Variants in RASAL2 observed in about 807,000 individuals in gnomAD.
RASAL2 encodes ras GTPase-activating protein nGAP.
Under a neutral mutation model 128.9 loss-of-function variants are expected in RASAL2, and 58 were observed. The ratio of observed to expected loss-of-function variants is 0.45; its 90% CI spans 0.36 to 0.56. The LOEUF (loss-of-function observed/expected upper bound fraction) is 0.56. Among genes scored for constraint, RASAL2 ranks in the 20% least tolerant of loss-of-function variants. The pLI is 0.00. For synonymous variants in RASAL2, 561 were observed against 580.8 expected (o/e 0.97, Z 0.49); for missense variants, 1,360 against 1,601.6 (o/e 0.85, Z 2.57).
intron 1 of RASAL2, among the ~76,000 whole-genome samples, chr1:178,281,256 A>G (rs1407410959): frequency 6.6e-6 from 1 of 151,982 alleles, no homozygotes; most frequent in Non-Finnish European, 1.5e-5. Context: ...TTAATATAGA[A>G]GCATTGCTCT....
chr1:178,111,684 T>C (rs964041652), intron 1 of RASAL2, among the ~76,000 whole-genome samples: 3 of 152,204 alleles, frequency 2.0e-5, no homozygotes, highest in African/African-American at 2.4e-5. Context: ...CATATGCTTA[T>C]TGGATATTCA....
chr1:178,111,280 G>A (rs1181688683), intron 1 of RASAL2, among the ~76,000 whole-genome samples: 1 of 151,970 alleles, frequency 6.6e-6, no homozygotes, highest in Non-Finnish European at 1.5e-5. Flanking sequence ...TGGCTAATTT[G>A]TATTTTTTTG....
At chr1:178,213,006 A>G (rs1318189479) in intron 1 of RASAL2, among the ~76,000 whole-genome samples, 2 of 152,208 alleles carry the variant, frequency 1.3e-5, no homozygotes, top group Non-Finnish European at 2.9e-5. Context: ...CCAACTAGGT[A>G]CAACCACTTT....
At chr1:178,148,653 C>T (rs1055614246) in intron 1 of RASAL2, among the ~76,000 whole-genome samples, 26 of 151,922 alleles carry the variant, frequency 1.7e-4, no homozygotes, top group Non-Finnish European at 3.5e-4. Flanking sequence ...CCATGTTGCC[C>T]AGGCTAGTCT....
intron 1 of RASAL2, among the ~76,000 whole-genome samples, chr1:178,249,642 A>G (rs1435914950): frequency 5.3e-5 from 8 of 151,780 alleles, no homozygotes; most frequent in Non-Finnish European, 8.8e-5. Context: ...AATTTTCAGC[A>G]TTTTTGCTCT....
At position 178,125,882 on chromosome 1, in the gene RASAL2, A is replaced by T. The variant is rs574967499; in HGVS notation, c.202+31188A>T. Among the ~76,000 whole-genome samples the T allele has an allele frequency of 4.6e-5, 7 of 152,342 alleles. No homozygotes were observed. In the South Asian group the frequency reaches 1.5e-3, roughly 32 times the overall value. Reference sequence around the variant, plus strand: ...TAAATTAGATGGTGACAGTGAGAGAAATTGTATTGTTGATATAGTACATAT... The same window carrying T: ...TAAATTAGATGGTGACAGTGAGAGATATTGTATTGTTGATATAGTACATAT... On this transcript the variant is annotated intron_variant, in intron 1 of 17. Coordinates refer to ENST00000367649, the MANE Select transcript of RASAL2 (RefSeq NM_170692.4).
At chr1:178,289,293 T>C (rs569270111) in intron 2 of RASAL2, among the ~76,000 whole-genome samples, 87 of 152,304 alleles carry the variant, frequency 5.7e-4, no homozygotes, top group Non-Finnish European at 1.0e-4. Flanking sequence ...GTTCTTTTTC[T>C]TTCCTGCCTC....
intron 5 of RASAL2, among the ~76,000 whole-genome samples, chr1:178,434,202 A>G (rs1322007062): frequency 6.6e-6 from 1 of 152,112 alleles, no homozygotes; most frequent in Non-Finnish European, 1.5e-5. Context: ...TTGCAATTTA[A>G]GGACAAAAAG....
intron 1 of RASAL2, among the ~76,000 whole-genome samples, chr1:178,103,238 TA>T (rs1271524086): frequency 1.3e-5 from 2 of 152,166 alleles, no homozygotes; most frequent in Non-Finnish European, 2.9e-5. Flanking sequence ...TTTCATTTTG[TA>T]AAGAGGTACC....
intron 4 of RASAL2, among the ~76,000 whole-genome samples, chr1:178,393,572 C>T (rs886108326): frequency 6.6e-6 from 1 of 152,188 alleles, no homozygotes; most frequent in African/African-American, 2.4e-5. Context: ...CCTGCTGTGC[C>T]GCCCAGTTCC....
chr1:178,237,955 A>G (rs915814796), intron 1 of RASAL2, among the ~76,000 whole-genome samples: 3 of 152,210 alleles, frequency 2.0e-5, no homozygotes, highest in African/African-American at 4.8e-5. Flanking sequence ...CAAGTACCTC[A>G]TATAAGTGGA....
chr1:178,370,966 A>C (rs1671667997), intron 3 of RASAL2, among the ~76,000 whole-genome samples: 1 of 152,164 alleles, frequency 6.6e-6, no homozygotes, highest in African/African-American at 2.4e-5. Flanking sequence ...CCAGATTCTT[A>C]GGAAAAGAGC....
At chr1:178,388,539 A>G (rs1455488401) in intron 3 of RASAL2, among the ~76,000 whole-genome samples, 1 of 152,250 alleles carries the variant, frequency 6.6e-6, no homozygotes, top group Non-Finnish European at 1.5e-5. Context: ...TTGTACTGCA[A>G]GCATACAAGA....
intron 5 of RASAL2, among the ~76,000 whole-genome samples, chr1:178,432,301 C>T (rs1450111929): frequency 6.6e-6 from 1 of 151,934 alleles, no homozygotes. Flanking sequence ...TTTTCTGAAA[C>T]TGCTCTTGCC....
At chr1:178,460,531 G>C (rs1417705819) in intron 14 of RASAL2, among the ~76,000 whole-genome samples, 93 of 152,146 alleles carry the variant, frequency 6.1e-4, no homozygotes, top group Non-Finnish European at 1.5e-5. Context: ...ATGGGAGGTA[G>C]GAAATGCATA....
intron 2 of RASAL2, among the ~76,000 whole-genome samples, chr1:178,296,863 G>A (rs929149541): frequency 1.3e-5 from 2 of 151,594 alleles, no homozygotes; most frequent in African/African-American, 4.8e-5. Flanking sequence ...GTAGATATGG[G>A]GTTTCACCAT....
chr1:178,136,306 G>A (rs1415214156), intron 1 of RASAL2, among the ~76,000 whole-genome samples: 1 of 152,166 alleles, frequency 6.6e-6, no homozygotes, highest in South Asian at 2.1e-4. Context: ...TTGGGCTTGA[G>A]TCTTTGCTTT....
intron 2 of RASAL2, among the ~76,000 whole-genome samples, chr1:178,290,474 T>C (rs1020080413): frequency 3.3e-5 from 5 of 152,216 alleles, no homozygotes; most frequent in Non-Finnish European, 7.3e-5. Flanking sequence ...ATTGAGCACC[T>C]ATCATTATTT....
At chr1:178,106,434 C>T (rs978918526) in intron 1 of RASAL2, among the ~76,000 whole-genome samples, 12 of 152,274 alleles carry the variant, frequency 7.9e-5, no homozygotes, top group African/African-American at 2.9e-4. Flanking sequence ...CTTTCTGTTG[C>T]ATGTTCCTAT....
Sources: allele counts gnomAD v4.1 joint callset (sites outside exome capture counted in the v4.1 genomes callset), GRCh38; gene constraint gnomAD v4.1.1; transcripts MANE v1.5; gene names NCBI Gene and HGNC (gene_info 2026-07-23, HGNC 2026-07-21).